HOMER2: variants seen among roughly 807,000 people sequenced by gnomAD.
HOMER2 encodes the protein homer protein homolog 2.
Under a neutral mutation model 47.0 loss-of-function variants are expected in HOMER2, and 27 were observed. The ratio of observed to expected loss-of-function variants is 0.57; its 90% confidence interval spans 0.42 to 0.79. The LOEUF is 0.79. Among genes scored for constraint, HOMER2 ranks in the 30% least tolerant of loss-of-function variants. The probability of loss-of-function intolerance (pLI) is 0.00; values close to 1 mark genes in which losing one functional copy is unlikely to be tolerated. For missense variants in HOMER2, 443 were observed against 435.0 expected, an observed-to-expected ratio of 1.02 and a Z score of -0.16; for synonymous variants, 161 against 163.8, an observed-to-expected ratio of 0.98 and a Z score of 0.13.
chr15:82,892,565 C>T, intron 2 of HOMER2, 120 bp downstream of exon 2: 1 of 738,374 alleles, frequency 1.4e-6, no homozygotes, highest in Non-Finnish European at 2.0e-6. Flanking sequence ...GCAAAAAGAA[C>T]AGAATATGTT....
chr15:82,926,387 C>T (rs2053853171), intron 1 of HOMER2: 1 of 152,160 alleles, frequency 6.6e-6, no homozygotes, highest in African/African-American at 2.4e-5. Context: ...CTCCAAAACT[C>T]ATGTTGAAAT....
chr15:82,838,650 G>A (rs1003086014), exon 2 of HOMER2: 2 of 152,262 alleles, frequency 1.3e-5, no homozygotes, highest in Admixed American at 6.5e-5. Context: ...GGTAGGAAAC[G>A]GGGATATCTC....
chr15:82,849,251 C>T lies in HOMER2; in HGVS notation c.*464G>A, dbSNP rs559774556. On this transcript the variant is annotated 3_prime_UTR_variant, in exon 9 of 9. Transcript: ENST00000450735. ...ACTAAACAGTTGTTTTAAAGCCTCT[C>T]GATGTTGACAGAGAGGAATGTTGTT... 3 of 153,362 alleles carry T rather than the reference C, an allele frequency of 2.0e-5. No homozygotes were observed. Among genetic ancestry groups the T allele is most frequent in the Non-Finnish European group, 2.9e-5 (2 of 68,858 alleles). The allele number at this position is 153,362 out of a possible 1,614,324, so 9.5% of individuals were successfully genotyped here.
At chr15:82,854,997 A>G (rs978793991) in intron 5 of HOMER2, among the ~76,000 whole-genome samples, 197 bp from the exon 6 acceptor site, 3 of 152,170 alleles carry the variant, frequency 2.0e-5, no homozygotes, top group African/African-American at 7.2e-5. Context: ...TGGTGTGAAC[A>G]TGTCATCCTG....
intron 1 of HOMER2, among the ~76,000 whole-genome samples, chr15:82,929,712 A>G (rs2053957140): frequency 6.7e-6 from 1 of 149,582 alleles, no homozygotes. Flanking sequence ...CCACCCTGTT[A>G]CAGGTATGCT....
intron 2 of HOMER2, among the ~76,000 whole-genome samples, chr15:82,892,344 G>A (rs912481661): frequency 1.3e-5 from 2 of 152,162 alleles, no homozygotes; most frequent in Non-Finnish European, 2.9e-5. Context: ...GAAAGCAATG[G>A]TATGTGAACA....
At chr15:82,905,737 C>T (rs1019025874) in intron 1 of HOMER2, among the ~76,000 whole-genome samples, 10 of 152,040 alleles carry the variant, frequency 6.6e-5, no homozygotes, top group African/African-American at 2.4e-4. Flanking sequence ...TTTAAAAGTG[C>T]AGGAGAAATA....
downstream of HOMER2, among the ~76,000 whole-genome samples, chr15:82,847,783 G>C (rs1450012427): frequency 1.3e-5 from 2 of 152,142 alleles, no homozygotes; most frequent in Non-Finnish European, 2.9e-5. Context: ...CACACACCCA[G>C]CCTGCTGCTG....
chr15:82,906,742 C>T (rs72755921), intron 1 of HOMER2, among the ~76,000 whole-genome samples: 15,921 of 152,118 alleles, frequency 0.1, 1,144 homozygotes, highest in Middle Eastern at 0.24. Context: ...CCACAAGAAA[C>T]CCACTTTAAA....
chr15:82,915,727 C>T (rs144638332), intron 1 of HOMER2, among the ~76,000 whole-genome samples: 1,675 of 152,224 alleles, frequency 0.011, 18 homozygotes, highest in Middle Eastern at 0.044. Flanking sequence ...AACAACTCCA[C>T]TTCTTGGAAT....
At position 82,849,768 on chromosome 15, in the gene HOMER2, C is replaced by A; in HGVS notation, c.979G>T (p.Asp327Tyr). The A allele has an allele frequency of 3.7e-6, 6 of 1,613,948 alleles. No individual in the cohort carries two copies. Among genetic ancestry groups the A allele is most frequent in the Non-Finnish European group, 5.1e-6 (6 of 1,179,874 alleles). The change falls in exon 9 of 9, where the codon GAC (aspartate) becomes TAC (tyrosine). Residue 327 changes from aspartate (D) to tyrosine (Y), a missense_variant. Asp to Tyr is a radical substitution (Grantham distance 160). Transcript: ENST00000450735. ...CCTCGGCGGAAGTCATGCAGGTCGT[C>A]AATCTTCCCGTCCAGCACCTCCAGG... is the stretch of plus-strand genomic sequence containing the variant. ...SFLEVLDGKI[D>Y]DLHDFRRGLS...
upstream of HOMER2, chr15:82,986,085 C>T (rs899727361): frequency 1.0e-6 from 1 of 985,404 alleles, no homozygotes; most frequent in African/African-American, 1.7e-5. Context: ...CACACCTCAT[C>T]GAGCTCTGGG....
At chr15:82,898,074 G>A (rs1291519101) in intron 1 of HOMER2, among the ~76,000 whole-genome samples, 1 of 151,874 alleles carries the variant, frequency 6.6e-6, no homozygotes, top group Non-Finnish European at 1.5e-5. Context: ...GCTGTGAGTG[G>A]GCAGGGCTCA....
intron 1 of HOMER2, among the ~76,000 whole-genome samples, chr15:82,969,523 C>T (rs1294718180): frequency 6.6e-6 from 1 of 152,190 alleles, no homozygotes; most frequent in Non-Finnish European, 1.5e-5. Flanking sequence ...CCTCTTTCTT[C>T]GTCCTCTAAG....
At chr15:82,872,942 A>G (rs999942871) in intron 3 of HOMER2, among the ~76,000 whole-genome samples, 2 of 152,240 alleles carry the variant, frequency 1.3e-5, no homozygotes, top group Non-Finnish European at 2.9e-5. Flanking sequence ...CATGTTCCAT[A>G]TGCATGCTCT....
chr15:82,852,921 G>C (rs1227589495), intron 6 of HOMER2: 1 of 152,378 alleles, frequency 6.6e-6, no homozygotes, highest in Non-Finnish European at 1.5e-5. Flanking sequence ...TGTGGAACAG[G>C]GGTGCAAGGG....
chr15:82,843,121 A>C (rs1467541075), exon 2 of HOMER2: 1 of 152,142 alleles, frequency 6.6e-6, no homozygotes, highest in Non-Finnish European at 1.5e-5. Context: ...GATAGTGGTG[A>C]ATATTTATAC....
intron 4 of HOMER2, among the ~76,000 whole-genome samples, chr15:82,860,893 C>T (rs750112310): frequency 4.5e-4 from 66 of 147,610 alleles, no homozygotes; most frequent in Non-Finnish European, 6.5e-4. Flanking sequence ...GCCGAGATCA[C>T]GCCACTGCAC....
chr15:82,957,063 G>A (rs906789863), upstream of HOMER2, among the ~76,000 whole-genome samples: 1 of 152,150 alleles, frequency 6.6e-6, no homozygotes, highest in African/African-American at 2.4e-5. Flanking sequence ...GATCACCTGA[G>A]GTCAGGAGTT....
Sources: gnomAD v4.1 joint callset for allele counts (sites outside exome capture counted in the v4.1 genomes callset) on GRCh38, gnomAD v4.1.1 for gene constraint, MANE v1.5 for transcripts, NCBI Gene and HGNC (gene_info 2026-07-23, HGNC 2026-07-21) for gene names.